Variants in ITGB7 observed in about 807,000 individuals in gnomAD.
The protein encoded by ITGB7 is integrin subunit beta 7, also known as integrin beta-7.
In ITGB7, 55 loss-of-function variants were observed where a neutral mutation model predicts 83.4. That is an observed-to-expected ratio of 0.66 (90% CI 0.53 to 0.83). The LOEUF (loss-of-function observed/expected upper bound fraction) is 0.83. ITGB7 is among the 40% of genes least tolerant of loss of function. ITGB7 has a pLI of 0.00. For missense variants in ITGB7, 921 were observed against 1,046.7 expected (o/e 0.88, Z 1.66); for synonymous variants, 454 against 423.6 (o/e 1.07, Z -0.88).
At chr12:53,204,056 A>G (rs1942379435) in intron 1 of ITGB7, among the ~76,000 whole-genome samples, 1 of 152,184 alleles carries the variant, frequency 6.6e-6, no homozygotes, top group African/African-American at 2.4e-5. Flanking sequence ...TGGTATATCC[A>G]TACAGCAGAA....
In ITGB7 at chr12:53,197,516, TC is replaced by T; in HGVS notation, c.550del (p.Glu184LysfsTer22). On this transcript the variant is annotated frameshift_variant, in exon 5 of 16. Coordinates refer to ENST00000267082, the MANE Select transcript of ITGB7 (RefSeq NM_000889.3). LOFTEE classifies it high-confidence loss of function. The part of the protein sequence containing the change: ...LGHALLVRLQ[E>X]VTHSVRIGFG... ...ACCAATGCGCACAGAATGGGTGACT[TC>T]CTGCAGCCGGACCAGCAGAGCGTGC... The T allele has an allele frequency of 6.2e-7, 1 of 1,614,134 alleles. No individual in the cohort carries two copies. Among genetic ancestry groups the T allele is most frequent in the Non-Finnish European group, 8.5e-7 (1 of 1,180,000 alleles).
intron 1 of ITGB7, among the ~76,000 whole-genome samples, 174 bp downstream of exon 1, chr12:53,207,028 A>T (rs1459234072): frequency 6.6e-6 from 1 of 152,162 alleles, no homozygotes; most frequent in Non-Finnish European, 1.5e-5. Context: ...GTGAAACTGG[A>T]GGAGGGAACC....
intron 3 of ITGB7, among the ~76,000 whole-genome samples, chr12:53,198,935 C>G (rs1474287070): frequency 6.6e-6 from 1 of 152,224 alleles, no homozygotes; most frequent in African/African-American, 2.4e-5. Flanking sequence ...TGTCAGGAGA[C>G]TGGAGAAGCC....
At position 53,193,168 on chromosome 12, in the gene ITGB7, A is replaced by T; in HGVS notation, c.1698T>A (p.Cys566Ter). The T allele has an allele frequency of 6.2e-7, 1 of 1,613,008 alleles. No homozygotes were observed. Among genetic ancestry groups the T allele is most frequent in the Non-Finnish European group, 8.5e-7 (1 of 1,179,182 alleles). ...GHLCECDDAS[C>*]ERHEGILCGG... Reference sequence around the variant, plus strand: ...CGCAGAGGATGCCCTCATGTCGCTCACAGCTGGCATCGTCACACTCGCACA... The same window carrying T: ...CGCAGAGGATGCCCTCATGTCGCTCTCAGCTGGCATCGTCACACTCGCACA... The change falls in exon 12 of 16, where the codon TGT (cysteine) becomes TGA (stop). Residue 566 changes from cysteine (C) to a stop codon, truncating the protein, a stop_gained. Transcript: ENST00000267082. LOFTEE classifies it high-confidence loss of function.
At chr12:53,191,747 A>G (rs760034104) in intron 15 of ITGB7, 111 bp from the exon 16 acceptor site, 9 of 1,526,114 alleles carry the variant, frequency 5.9e-6, no homozygotes, top group Admixed American at 1.7e-5. Flanking sequence ...GGAAGTTAGC[A>G]GAGGGGTTGG....
intron 1 of ITGB7, among the ~76,000 whole-genome samples, chr12:53,206,059 C>T (rs540807585): frequency 1.3e-5 from 2 of 152,330 alleles, no homozygotes; most frequent in Admixed American, 1.3e-4. Context: ...CTTAGGCCCA[C>T]TCATCTCCCC....
intron 11 of ITGB7, 28 bp downstream of exon 11, chr12:53,193,680 G>A: frequency 6.3e-7 from 1 of 1,577,228 alleles, no homozygotes; most frequent in Non-Finnish European, 8.6e-7. Flanking sequence ...TGGGAGCCAG[G>A]TGGTTGAAGG....
At chr12:53,196,274 A>G in intron 6 of ITGB7, 75 bp from the exon 7 acceptor site, 1 of 1,542,300 alleles carries the variant, frequency 6.5e-7, no homozygotes, top group South Asian at 1.2e-5. Flanking sequence ...TCTGTGAGCC[A>G]AGAATGTGGC....
Position 53,192,643 on chromosome 12 carries a change from A to G in ITGB7, c.1946+48T>C, listed in dbSNP as rs200271691. On this transcript the variant is annotated intron_variant, in intron 13 of 15. Transcript: ENST00000267082. ...AGTAGGCAGATGGGAGTAGCTCAAC[A>G]AGCCCCACTGTGCCCCTGCTCCCAA... is the stretch of plus-strand genomic sequence containing the variant. 1.4e-5 allele frequency: 23 copies of G among 1,600,900 alleles called. No individual in the cohort carries two copies. The African/African-American group carries it at 3.1e-4, about 21-fold the overall frequency.
rs565023755 is a variant in ITGB7, at chr12:53,199,716, C to T, written c.201+527G>A. On this transcript the variant is annotated intron_variant, in intron 3 of 15. Transcript: ENST00000267082. ...CCATCCCCACTATGTGAGGACACAG[C>T]GAGAAGGTAGCCAGTCTGCAAGCAA... Among the ~76,000 whole-genome samples, 15 of 151,314 alleles carry T rather than the reference C, an allele frequency of 9.9e-5. No homozygotes were observed. The East Asian group carries it at 1.9e-3, about 20-fold the overall frequency.
At chr12:53,195,899 C>T in intron 7 of ITGB7, 142 bp downstream of exon 7, 1 of 1,066,378 alleles carries the variant, frequency 9.4e-7, no homozygotes, top group Non-Finnish European at 1.4e-6. Flanking sequence ...GTCTCGGCAG[C>T]TGAAAGGAGG....
intron 1 of ITGB7, among the ~76,000 whole-genome samples, chr12:53,205,708 A>G (rs1344709991): frequency 6.6e-6 from 1 of 152,198 alleles, no homozygotes; most frequent in Non-Finnish European, 1.5e-5. Flanking sequence ...AATGTATGAG[A>G]AAGGCCAACT....
At chr12:53,206,041 T>A (rs964474726) in intron 1 of ITGB7, among the ~76,000 whole-genome samples, 9 of 152,200 alleles carry the variant, frequency 5.9e-5, no homozygotes, top group African/African-American at 2.2e-4. Context: ...CATAGGTTTT[T>A]CAGAGACCTT....
rs1017309968 is a variant in ITGB7, at chr12:53,192,823, C to A, written c.1814G>T (p.Cys605Phe). The A allele has an allele frequency of 1.9e-6, 3 of 1,614,234 alleles. No homozygotes were observed. The highest frequency in any genetic ancestry group is 2.5e-6 in the Non-Finnish European group (3 of 1,180,050). ...GCAGAGCCCTCCCTCGGGACTGATG[C>A]AACTGTCCATGTCCCCACTGCATTC... is the stretch of plus-strand genomic sequence containing the variant. ...ACECSGDMDSCISPEGGLCSG... is the reference protein window; with the variant it reads ...ACECSGDMDSFISPEGGLCSG... The change falls in exon 13 of 16, where the codon TGC (cysteine) becomes TTC (phenylalanine). Residue 605 changes from cysteine to phenylalanine, a missense_variant. Cys to Phe is a radical substitution (Grantham distance 205, BLOSUM62 -2). Transcript: ENST00000267082.
At chr12:53,204,833 CTTTTTTT>C (rs763869314) in intron 1 of ITGB7, among the ~76,000 whole-genome samples, 2 of 128,990 alleles carry the variant, frequency 1.6e-5, no homozygotes, top group African/African-American at 3.1e-5. Flanking sequence ...TTTTCTTTAC[CTTTTTTT>C]TTTTTTTTTT....
At chr12:53,195,966 G>T in intron 7 of ITGB7, 75 bp downstream of exon 7, 1 of 1,549,980 alleles carries the variant, frequency 6.5e-7, no homozygotes, top group Non-Finnish European at 8.8e-7. Flanking sequence ...AGGACTGTAA[G>T]GCTGGGAGTG....
In ITGB7 at chr12:53,193,703, C is replaced by T. The variant is rs765330941; in HGVS notation, c.1502+5G>A. The T allele has an allele frequency of 1.2e-6, 2 of 1,602,650 alleles. No individual in the cohort carries two copies. Among genetic ancestry groups the T allele is most frequent in the South Asian group, 1.1e-5 (1 of 89,710 alleles). The stretch of plus-strand genomic sequence containing the variant: ...AGGTGGTTGAAGGGAAGAGGAGGCC[C>T]TCACCTGCATACACCACATTGTAGG... On this transcript the variant is annotated splice_donor_5th_base_variant and intron_variant, in intron 11 of 15. Transcript: ENST00000267082.
At position 53,192,542 on chromosome 12, in the gene ITGB7, TGTA is replaced by T. The variant is rs747808256; in HGVS notation, c.1947-7_1947-5del. On this transcript the variant is annotated splice_region_variant and splice_polypyrimidine_tract_variant and intron_variant, in intron 13 of 15. Transcript: ENST00000267082. Reference sequence around the variant, plus strand: ...GGCCCCACACTCTGCACAGTCCCTGTGTAGTAGATGCCAATAGGTTACCAGCTG... The same window carrying T: ...GGCCCCACACTCTGCACAGTCCCTGTGTAGATGCCAATAGGTTACCAGCTG... 169 of 1,613,554 alleles carry T rather than the reference TGTA, an allele frequency of 1.0e-4. No homozygotes were observed. The highest frequency in any genetic ancestry group is 4.2e-6 in the Non-Finnish European group (5 of 1,179,742).
rs114435093 is a variant in ITGB7, at chr12:53,194,211, C to G, written c.1295G>C (p.Arg432Pro). The G allele has an allele frequency of 5.0e-6, 8 of 1,613,930 alleles. No homozygotes were observed. Among genetic ancestry groups the G allele is most frequent in the East Asian group, 4.5e-5 (2 of 44,892 alleles). ...AEDRGQCNHV[R>P]INQTVTFWVS... ...GCTGGCTCTCACCGTCTGGTTGATT[C>G]GGACGTGGTTGCACTGTCCTCGATC... is the stretch of plus-strand genomic sequence containing the variant. The change falls in exon 10 of 16, where the codon CGA becomes CCA. Residue 432 changes from arginine to proline, a missense_variant. Arg to Pro is a moderately radical substitution (Grantham distance 103). Transcript: ENST00000267082.
Sources: allele counts gnomAD v4.1 joint callset (sites outside exome capture counted in the v4.1 genomes callset), GRCh38; gene constraint gnomAD v4.1.1; transcripts MANE v1.5; gene names NCBI Gene and HGNC (gene_info 2026-07-23, HGNC 2026-07-21).